Variants in KLHL36 observed in about 807,000 individuals in gnomAD.
KLHL36 encodes the protein kelch like family member 36.
A neutral mutation model predicts 53.3 loss-of-function variants in KLHL36; 35 were observed. The observed-to-expected ratio is 0.66, with a 90% confidence interval of 0.50 to 0.87. KLHL36 has a LOEUF of 0.87. Among genes scored for constraint, KLHL36 ranks in the 40% least tolerant of loss-of-function variants. The pLI is 0.00. For missense variants in KLHL36, 864 were observed against 897.6 expected (o/e 0.96, Z 0.48); for synonymous variants, 472 against 398.9 (o/e 1.18, Z -2.18).
In KLHL36 at chr16:84,657,104, C is replaced by G. The variant is rs80159536; in HGVS notation, c.297C>G (p.Ala99=). The change falls in exon 3 of 5, where the codon GCC becomes GCG. Residue 99 remains alanine (A), a synonymous_variant. Coordinates refer to ENST00000564996, the MANE Select transcript of KLHL36 (RefSeq NM_024731.4). ...GCGCCTCCTACATTGGGCTCAAGGC[C>G]GTGGTGGACTTCCTGTACGGCGGGG... ...LIGASYIGLK[A]VVDFLYGGEL... 9.9e-6 allele frequency: 16 copies of G among 1,614,042 alleles called. No homozygotes were observed. Among genetic ancestry groups the G allele is most frequent in the Non-Finnish European group, 1.4e-5 (16 of 1,180,030 alleles).
At chr16:84,652,687 T>C (rs974436713) in intron 2 of KLHL36, among the ~76,000 whole-genome samples, 1 of 152,272 alleles carries the variant, frequency 6.6e-6, no homozygotes, top group Non-Finnish European at 1.5e-5. Context: ...TCCCAGTTGT[T>C]ACACTCAAGA....
chr16:84,660,797 T>C (rs1431132890), intron 4 of KLHL36, among the ~76,000 whole-genome samples: 4 of 152,150 alleles, frequency 2.6e-5, no homozygotes, highest in Admixed American at 2.6e-4. Flanking sequence ...AAGTTTTGTA[T>C]TTTTGGTAGA....
At chr16:84,653,826 G>A (rs935163560) in intron 2 of KLHL36, among the ~76,000 whole-genome samples, 6 of 144,798 alleles carry the variant, frequency 4.1e-5, no homozygotes, top group Non-Finnish European at 9.0e-5. Flanking sequence ...GGCAACAGAG[G>A]GAGGCTCTGT....
rs866159266 is a variant in KLHL36, at chr16:84,648,803, G to T, written c.-17+154G>T. ...GGTGCCGGGGCGGGCGGGTGGGCGA[G>T]TGGGGGCGCCGCGGCCGGGGGAGGG... On this transcript the variant is annotated intron_variant, in intron 1 of 4. Coordinates refer to ENST00000564996, the MANE Select transcript of KLHL36 (RefSeq NM_024731.4). This position sits in a 1 kb window ranked among gnomAD's most constrained non-coding sequence, Gnocchi z 4.9. 1 of 149,592 alleles carries T rather than the reference G, an allele frequency of 6.7e-6. No homozygotes were observed. The highest frequency in any genetic ancestry group is 2.1e-4 in the South Asian group (1 of 4,814). 9.3% of individuals were successfully genotyped at this position (149,592 alleles called of 1,614,324 possible). A position where few individuals can be genotyped will look rare whatever the true frequency, so the allele number is the denominator to read the frequency against.
At chr16:84,651,828 G>A (rs1225523437) in intron 2 of KLHL36, among the ~76,000 whole-genome samples, 1 of 152,102 alleles carries the variant, frequency 6.6e-6, no homozygotes, top group African/African-American at 2.4e-5. Context: ...TTTTGCTGGG[G>A]AGGCTATTAG....
Position 84,666,174 on chromosome 16 carries a change from G to C in KLHL36, c.*4041G>C, listed in dbSNP as rs1907825150. The C allele has an allele frequency of 1.3e-5, 2 of 152,152 alleles. No individual in the cohort carries two copies. Among genetic ancestry groups the C allele is most frequent in the Non-Finnish European group, 2.9e-5 (2 of 68,016 alleles). The allele number at this position is 152,152 out of a possible 1,614,324, so 9.4% of individuals were successfully genotyped here. The stretch of plus-strand genomic sequence containing the variant: ...AGCCTGGCAGTTTTTAGAGTTTTTT[G>C]AAATGTTTTGATACTTTTTGATACA... On this transcript the variant is annotated 3_prime_UTR_variant, in exon 5 of 5. Coordinates refer to ENST00000564996, the MANE Select transcript of KLHL36 (RefSeq NM_024731.4).
At chr16:84,659,569 G>T (rs887079205) in intron 3 of KLHL36, 191 bp from the exon 4 acceptor site, 5 of 581,208 alleles carry the variant, frequency 8.6e-6, no homozygotes, top group African/African-American at 3.7e-5. Context: ...TGGGGATTCA[G>T]AGCATCTTGG....
At chr16:84,653,789 G>A (rs1031945305) in intron 2 of KLHL36, among the ~76,000 whole-genome samples, 5 of 146,198 alleles carry the variant, frequency 3.4e-5, no homozygotes, top group East Asian at 4.0e-4. Flanking sequence ...GCAGTGAGCC[G>A]AGATCGAGCC....
rs17755862 is a variant in KLHL36, at chr16:84,662,446, A to T, written c.*313A>T. 51,193 of 228,200 alleles carry T rather than the reference A, an allele frequency of 0.22. 6,678 individuals are homozygous for T. The highest frequency in any genetic ancestry group is 0.34 in the African/African-American group (15,020 of 44,656). 14.1% of individuals were successfully genotyped at this position (228,200 alleles called of 1,614,324 possible). A position where few individuals can be genotyped will look rare whatever the true frequency, so the allele number is the denominator to read the frequency against. On this transcript the variant is annotated 3_prime_UTR_variant, in exon 5 of 5. Coordinates refer to ENST00000564996, the MANE Select transcript of KLHL36 (RefSeq NM_024731.4). ...CCCTGAGAGTAGCTGGCACGTGGGT[A>T]ACACAGAAATTTCTGTAGTGAAGCT...
chr16:84,649,950 A>C (rs1597210893), intron 1 of KLHL36, among the ~76,000 whole-genome samples: 1 of 151,892 alleles, frequency 6.6e-6, no homozygotes, highest in African/African-American at 2.4e-5. Context: ...TCTTTGAAGC[A>C]CCTGCCCCTC....
intron 2 of KLHL36, among the ~76,000 whole-genome samples, chr16:84,655,703 CAA>C (rs568975346): frequency 2.8e-4 from 26 of 93,242 alleles, no homozygotes; most frequent in Non-Finnish European, 1.9e-4. Flanking sequence ...GACCCTGTCT[CAA>C]AAAAAAAAAA....
At position 84,657,354 on chromosome 16, in the gene KLHL36, G is replaced by C. The variant is rs762904256; in HGVS notation, c.547G>C (p.Asp183His). 4 of 1,612,160 alleles carry C rather than the reference G, an allele frequency of 2.5e-6. No homozygotes were observed. The East Asian group carries it at 6.7e-5, about 27-fold the overall frequency. Reference protein sequence around the residue: ...NHFGTLSFTPDFLQNVSMQKL... With the variant: ...NHFGTLSFTPHFLQNVSMQKL... ...CTTCGGCACGCTGTCCTTTACGCCC[G>C]ACTTCCTGCAGAACGTCTCCATGCA... is the stretch of plus-strand genomic sequence containing the variant. Residue 183 changes from aspartate to histidine, a missense_variant, in exon 3 of 5, where the codon GAC (aspartate) becomes CAC (histidine). Transcript: ENST00000564996.
Position 84,659,754 on chromosome 16 carries a change from C to G in KLHL36, c.1138-6C>G. ...AAGGGAAGGTACAGGTATCTCAACT[C>G]CACAGGTGGCCTCCATGAACCAGCG... On this transcript the variant is annotated splice_region_variant and splice_polypyrimidine_tract_variant and intron_variant, in intron 3 of 4. Transcript: ENST00000564996. The G allele has an allele frequency of 6.2e-7, 1 of 1,613,922 alleles. No individual in the cohort carries two copies. Among genetic ancestry groups the G allele is most frequent in the South Asian group, 1.1e-5 (1 of 91,054 alleles).
rs752015050 is a variant in KLHL36, at chr16:84,661,563, C to T, written c.1296-15C>T. On this transcript the variant is annotated splice_polypyrimidine_tract_variant and intron_variant, in intron 4 of 4. Coordinates refer to ENST00000564996, the MANE Select transcript of KLHL36 (RefSeq NM_024731.4). The surrounding 1 kb of genome is among the most constrained non-coding windows in gnomAD (Gnocchi z 7.9). ...CCCTGAGCTCTCCCTCTGTCTCTGCCCGTCGACCCTGCAGGTTCACGTACG... is the reference window on the plus strand; with the variant it reads ...CCCTGAGCTCTCCCTCTGTCTCTGCTCGTCGACCCTGCAGGTTCACGTACG... 6.4e-7 allele frequency: 1 copy of T among 1,560,752 alleles called. No individual in the cohort carries two copies. Among genetic ancestry groups the T allele is most frequent in the Non-Finnish European group, 8.7e-7 (1 of 1,149,308 alleles).
chr16:84,653,733 A>T (rs767261010), intron 2 of KLHL36, among the ~76,000 whole-genome samples: 2 of 151,226 alleles, frequency 1.3e-5, no homozygotes, highest in Non-Finnish European at 2.9e-5. Context: ...CCAGCTACTC[A>T]GGAGGCTGAG....
At position 84,661,917 on chromosome 16, in the gene KLHL36, G is replaced by A; in HGVS notation, c.1635G>A (p.Glu545=). The change falls in exon 5 of 5, where the codon GAG becomes GAA. Residue 545 remains glutamate (E), a synonymous_variant. Transcript: ENST00000564996. The surrounding 1 kb of genome is among the most constrained non-coding windows in gnomAD (Gnocchi z 7.9). ...GCGAGTCGGGCGTGGCAGTGTGGGA[G>A]GGCCGCATCTACATCCTGGGCGGCT... The part of the protein sequence containing the change: ...ANSESGVAVW[E]GRIYILGGYS... 1 of 1,600,698 alleles carries A rather than the reference G, an allele frequency of 6.2e-7. No individual in the cohort carries two copies. Among genetic ancestry groups the A allele is most frequent in the Non-Finnish European group, 8.5e-7 (1 of 1,172,238 alleles).
chr16:84,661,111 G>T lies in KLHL36; in HGVS notation c.1296-467G>T, dbSNP rs1294098059. 6.6e-6 allele frequency among the ~76,000 whole-genome samples: 1 copy of T among 152,114 alleles called. No individual in the cohort carries two copies. Among genetic ancestry groups the T allele is most frequent in the Non-Finnish European group, 1.5e-5 (1 of 68,028 alleles). The stretch of plus-strand genomic sequence containing the variant: ...CATCCCTCCCTCCCCTCTCCCCACA[G>T]TCCTGGCAGCCACTGATTTTGCTGT... On this transcript the variant is annotated intron_variant, in intron 4 of 4. Coordinates refer to ENST00000564996, the MANE Select transcript of KLHL36 (RefSeq NM_024731.4). This position sits in a 1 kb window ranked among gnomAD's most constrained non-coding sequence, Gnocchi z 7.9.
intron 1 of KLHL36, among the ~76,000 whole-genome samples, chr16:84,649,577 C>G (rs376392733): frequency 1.3e-3 from 192 of 152,342 alleles, no homozygotes; most frequent in African/African-American, 4.3e-3. Context: ...TCTGGGCTCT[C>G]CAGCATCCTA....
Position 84,664,365 on chromosome 16 carries a change from G to C in KLHL36, c.*2232G>C, listed in dbSNP as rs1240274133. 1 of 152,210 alleles carries C rather than the reference G, an allele frequency of 6.6e-6. No individual in the cohort carries two copies. The highest frequency in any genetic ancestry group is 1.5e-5 in the Non-Finnish European group (1 of 68,056). 9.4% of individuals were successfully genotyped at this position (152,210 alleles called of 1,614,324 possible). On this transcript the variant is annotated 3_prime_UTR_variant, in exon 5 of 5. Transcript: ENST00000564996. ...TGTGAGTGATTTGGGGAGTGGGATA[G>C]CTTTGACCTTGGAGAGAGGAGAGCC...
Sources: allele counts gnomAD v4.1 joint callset (sites outside exome capture counted in the v4.1 genomes callset), GRCh38; gene constraint gnomAD v4.1.1; non-coding constraint Gnocchi (gnomAD v3.1); transcripts MANE v1.5; gene names NCBI Gene and HGNC (gene_info 2026-07-23, HGNC 2026-07-21).